Variants in PRDM10 observed in about 807,000 individuals in gnomAD.
PRDM10 encodes PR domain zinc finger protein 10.
Under a neutral mutation model 133.1 loss-of-function variants are expected in PRDM10, and 65 were observed. The observed-to-expected ratio is 0.49, with a 90% confidence interval of 0.40 to 0.60. The LOEUF is 0.60. Ranked by LOEUF, PRDM10 falls within the 20% of genes least tolerant of loss-of-function variation. The probability of loss-of-function intolerance (pLI) is 0.00; values close to 1 mark genes in which losing one functional copy is unlikely to be tolerated. For missense variants in PRDM10, 1,137 were observed against 1,507.1 expected, an observed-to-expected ratio of 0.75 and a Z score of 4.07; for synonymous variants, 582 against 580.4, an observed-to-expected ratio of 1.00 and a Z score of -0.04.
chr11:129,957,104 C>A (rs1203151451), intron 3 of PRDM10, among the ~76,000 whole-genome samples: 1 of 152,210 alleles, frequency 6.6e-6, no homozygotes, highest in Non-Finnish European at 1.5e-5. Context: ...ATAAGCTTAG[C>A]AGGACCCTTT....
At chr11:129,944,143 C>T (rs1266655087) in intron 6 of PRDM10, among the ~76,000 whole-genome samples, 2 of 151,820 alleles carry the variant, frequency 1.3e-5, no homozygotes, top group African/African-American at 4.9e-5. Context: ...AGGAAACCAA[C>T]CCTGCCAACG....
intron 11 of PRDM10, among the ~76,000 whole-genome samples, chr11:129,927,772 G>A (rs527591928): frequency 1.1e-4 from 17 of 152,196 alleles, no homozygotes; most frequent in Middle Eastern, 3.4e-3. Context: ...TTACAAGGTC[G>A]TAAAAATGCT....
At chr11:129,902,893 A>G (rs1314956888) in intron 20 of PRDM10, among the ~76,000 whole-genome samples, 1 of 151,134 alleles carries the variant, frequency 6.6e-6, no homozygotes, top group Non-Finnish European at 1.5e-5. Context: ...GGATCCAAGA[A>G]GAGATATTTA....
intron 19 of PRDM10, among the ~76,000 whole-genome samples, chr11:129,907,752 T>C (rs895264361): frequency 6.6e-6 from 1 of 151,974 alleles, no homozygotes; most frequent in Non-Finnish European, 1.5e-5. Context: ...CATAGAAATA[T>C]AAAAACCCTG....
At chr11:129,952,028 G>T (rs938170218) in intron 4 of PRDM10, among the ~76,000 whole-genome samples, 1 of 152,122 alleles carries the variant, frequency 6.6e-6, no homozygotes, top group African/African-American at 2.4e-5. Context: ...AACCACTGAG[G>T]TGTTATAACC....
intron 7 of PRDM10, among the ~76,000 whole-genome samples, chr11:129,939,378 A>G (rs1951136351): frequency 6.6e-6 from 1 of 152,268 alleles, no homozygotes; most frequent in Non-Finnish European, 1.5e-5. Flanking sequence ...TAGTCTACAT[A>G]GTCTGTATTC....
intron 9 of PRDM10, among the ~76,000 whole-genome samples, chr11:129,932,623 T>A (rs1471675567): frequency 6.6e-6 from 1 of 152,222 alleles, no homozygotes; most frequent in African/African-American, 2.4e-5. Context: ...CGCCTCATAT[T>A]CCTTCCAAGA....
intron 4 of PRDM10, among the ~76,000 whole-genome samples, chr11:129,949,053 T>G (rs1951509304): frequency 6.6e-6 from 1 of 152,262 alleles, no homozygotes; most frequent in South Asian, 2.1e-4. Context: ...TCTGCCAAGA[T>G]CTTTAGACTT....
chr11:129,956,816 G>A (rs538571517), intron 3 of PRDM10, among the ~76,000 whole-genome samples: 1 of 152,164 alleles, frequency 6.6e-6, no homozygotes, highest in Non-Finnish European at 1.5e-5. Context: ...AATATCAAAT[G>A]AGGGCAAATT....
chr11:129,903,646 G>T (rs533119518), intron 20 of PRDM10, among the ~76,000 whole-genome samples: 20 of 152,306 alleles, frequency 1.3e-4, no homozygotes, highest in African/African-American at 4.8e-4. Flanking sequence ...GAAGAGAGAC[G>T]TCGCAGAGAG....
intron 6 of PRDM10, among the ~76,000 whole-genome samples, chr11:129,943,337 A>G (rs372934939): frequency 2.3e-4 from 35 of 152,340 alleles, no homozygotes; most frequent in African/African-American, 8.4e-4. Flanking sequence ...ACAGCAGATT[A>G]CATTAAGCCT....
In PRDM10 at chr11:129,988,880, T is replaced by C. The variant is rs553108128; in HGVS notation, c.-119+13842A>G. ...TCCTGACCTCGTGATCCGCCCGCCT[T>C]GGCCTCCCAAAGTGCTGGGATTACA... On this transcript the variant is annotated intron_variant, in intron 1 of 20. Coordinates refer to ENST00000360871, the MANE Select transcript of PRDM10 (RefSeq NM_199437.2). 1.4e-3 allele frequency among the ~76,000 whole-genome samples: 193 copies of C among 140,458 alleles called. 1 individual carries two copies. The highest frequency in any genetic ancestry group is 4.6e-3 in the African/African-American group (146 of 31,398). The allele number at this position is 140,458 out of a possible 152,430, so 92.1% of individuals were successfully genotyped here. A position where few individuals can be genotyped will look rare whatever the true frequency, so the allele number is the denominator to read the frequency against.
At chr11:129,959,151 G>C (rs1045587540) in intron 2 of PRDM10, among the ~76,000 whole-genome samples, 16 of 152,286 alleles carry the variant, frequency 1.1e-4, no homozygotes, top group Admixed American at 7.2e-4. Flanking sequence ...AGATCCCCAA[G>C]ATAATATAAA....
chr11:129,987,980 G>A (rs970218250), intron 1 of PRDM10, among the ~76,000 whole-genome samples: 5 of 152,118 alleles, frequency 3.3e-5, no homozygotes, highest in African/African-American at 7.2e-5. Context: ...TGGCCTGGGC[G>A]AAAGAGTGAA....
At chr11:129,952,443 T>C (rs892443537) in intron 4 of PRDM10, among the ~76,000 whole-genome samples, 4 of 152,200 alleles carry the variant, frequency 2.6e-5, no homozygotes, top group Admixed American at 6.5e-5. Flanking sequence ...CACACAAATA[T>C]CAAATAGAAT....
rs759529784 is a variant in PRDM10, at chr11:129,955,557, G to A, written c.249C>T (p.Asp83=). Residue 83 remains aspartate, a synonymous_variant, in exon 4 of 21, where the codon GAC becomes GAT. Coordinates refer to ENST00000360871, the MANE Select transcript of PRDM10 (RefSeq NM_199437.2). ...PVEAAQTLFT[D]PGQVAYVQQD... Reference sequence around the variant, plus strand: ...GTTGGACATAAGCTACCTGGCCGGGGTCTGTAAACAGAGTCTAAACAAACA... The same window carrying A: ...GTTGGACATAAGCTACCTGGCCGGGATCTGTAAACAGAGTCTAAACAAACA... 8.1e-6 allele frequency: 13 copies of A among 1,613,916 alleles called. No individual in the cohort carries two copies. The Admixed American group carries it at 2.0e-4, about 25-fold the overall frequency.
chr11:129,905,880 C>T (rs1039351235), intron 19 of PRDM10, 139 bp from the exon 20 acceptor site: 8 of 730,264 alleles, frequency 1.1e-5, no homozygotes, highest in African/African-American at 7.0e-5. Flanking sequence ...TTCTTGGTGC[C>T]GTGAAAGCAT....
intron 4 of PRDM10, among the ~76,000 whole-genome samples, chr11:129,954,318 A>C (rs1951654415): frequency 6.7e-6 from 1 of 148,822 alleles, no homozygotes; most frequent in Non-Finnish European, 1.5e-5. Flanking sequence ...GCTGGAGTGC[A>C]GTGGCACAAT....
At chr11:129,980,231 A>G (rs1179806370) in intron 1 of PRDM10, among the ~76,000 whole-genome samples, 2 of 152,188 alleles carry the variant, frequency 1.3e-5, no homozygotes, top group African/African-American at 2.4e-5. Flanking sequence ...GAATCTACAC[A>G]AAGACTTAGA....
Sources: gnomAD v4.1 joint callset for allele counts (sites outside exome capture counted in the v4.1 genomes callset) on GRCh38, gnomAD v4.1.1 for gene constraint, MANE v1.5 for transcripts, NCBI Gene and HGNC (gene_info 2026-07-23, HGNC 2026-07-21) for gene names.